The following ITGA1 variants were observed in gnomAD, a reference collection of about 807,000 sequenced individuals.
ITGA1 encodes integrin subunit alpha 1, also known as integrin alpha-1.
ITGA1 carries 85 observed loss-of-function variants against 145.9 expected under a neutral mutation model. That is an observed-to-expected ratio of 0.58 (90% CI 0.49 to 0.70). The LOEUF is 0.70. Among genes scored for constraint, ITGA1 ranks in the 30% least tolerant of loss-of-function variants. The probability of loss-of-function intolerance (pLI) is 0.00; values close to 1 mark genes in which losing one functional copy is unlikely to be tolerated. For synonymous variants in ITGA1, 520 were observed against 495.3 expected (o/e 1.05, Z -0.66); for missense variants, 1,351 against 1,418.7 (o/e 0.95, Z 0.77).
intron 9 of ITGA1, among the ~76,000 whole-genome samples, chr5:52,894,394 G>A (rs1295296411): frequency 6.6e-6 from 1 of 152,102 alleles, no homozygotes; most frequent in Non-Finnish European, 1.5e-5. Flanking sequence ...CTTCTTTGCA[G>A]ATTTTTCCTT....
intron 11 of ITGA1, chr5:52,905,008 C>A (rs1750375715): frequency 6.6e-6 from 1 of 152,106 alleles, no homozygotes; most frequent in Admixed American, 6.5e-5. Context: ...AGTGATGATA[C>A]ACAAAGCCTG....
chr5:52,802,425 T>C (rs1019823305), intron 1 of ITGA1: 5 of 152,218 alleles, frequency 3.3e-5, no homozygotes, highest in Admixed American at 1.3e-4. Flanking sequence ...AAACCAATCA[T>C]GTTAAAAGGA....
At chr5:52,910,450 T>C (rs570162396) in intron 14 of ITGA1, 31 bp downstream of exon 14, 238 of 1,598,304 alleles carry the variant, frequency 1.5e-4, no homozygotes, top group Non-Finnish European at 1.0e-5. Context: ...ATTCCCACCC[T>C]TCAGTGATAA....
intron 1 of ITGA1, among the ~76,000 whole-genome samples, chr5:52,816,056 A>G (rs1210033425): frequency 6.6e-6 from 1 of 152,194 alleles, no homozygotes; most frequent in African/African-American, 2.4e-5. Flanking sequence ...AACACTGATT[A>G]TTGAGGTGAC....
At chr5:52,848,864 G>A (rs537444878) in intron 1 of ITGA1, among the ~76,000 whole-genome samples, 4 of 152,062 alleles carry the variant, frequency 2.6e-5, no homozygotes, top group Non-Finnish European at 5.9e-5. Flanking sequence ...TGCTGAGAAC[G>A]ATGGTTTCCA....
intron 8 of ITGA1, among the ~76,000 whole-genome samples, chr5:52,888,368 G>C (rs1416743743): frequency 1.3e-5 from 2 of 152,148 alleles, no homozygotes; most frequent in African/African-American, 4.8e-5. Flanking sequence ...ATAAGAGAGA[G>C]GATTTGTTCA....
intron 1 of ITGA1, among the ~76,000 whole-genome samples, chr5:52,793,341 A>T (rs983799785): frequency 1.6e-4 from 25 of 152,050 alleles, no homozygotes; most frequent in Admixed American, 1.4e-3. Flanking sequence ...TCCCTTTATT[A>T]TATACCTCTG....
rs755146157 is a variant in ITGA1 at position 52,937,499 on chromosome 5, A to G, written c.3063A>G (p.Gly1021=). ...GTTACCCTGTGCTGTACCCAACTGG[A>G]TTGTCATCTTCTGAGGTAAGTCATG... ...SNGYPVLYPT[G]LSSSENANCR... Residue 1021 remains glycine (G), a synonymous_variant, in exon 24 of 29, where the codon GGA becomes GGG. Transcript: ENST00000282588. 13 of 1,602,416 alleles carry G rather than the reference A, an allele frequency of 8.1e-6. No individual in the cohort carries two copies. Among genetic ancestry groups the G allele is most frequent in the Non-Finnish European group, 1.1e-5 (13 of 1,169,516 alleles).
chr5:52,800,875 G>A, intron 1 of ITGA1: 1 of 1,612,306 alleles, frequency 6.2e-7, no homozygotes, highest in Non-Finnish European at 8.5e-7. Flanking sequence ...CCTCACTCGG[G>A]CCAAGGTGGA....
chr5:52,788,250 A>T lies in ITGA1; in HGVS notation c.-104A>T. The T allele has an allele frequency of 1.1e-6, 1 of 882,094 alleles. No homozygotes were observed. The highest frequency in any genetic ancestry group is 4.0e-5 in the Admixed American group (1 of 24,902). 54.6% of individuals were successfully genotyped at this position (882,094 alleles called of 1,614,324 possible). A position where few individuals can be genotyped will look rare whatever the true frequency, so the allele number is the denominator to read the frequency against. ...GCTGCCACTGGGGCAGAGGACTGGGAACCGCGGCAGCGGGATAAGTGGCCC... is the reference window on the plus strand; with the variant it reads ...GCTGCCACTGGGGCAGAGGACTGGGTACCGCGGCAGCGGGATAAGTGGCCC... On this transcript the variant is annotated 5_prime_UTR_variant, in exon 1 of 29. Coordinates refer to ENST00000282588, the MANE Select transcript of ITGA1 (RefSeq NM_181501.2).
chr5:52,891,968 C>A (rs1750158719), intron 8 of ITGA1, among the ~76,000 whole-genome samples: 1 of 151,802 alleles, frequency 6.6e-6, no homozygotes, highest in African/African-American at 2.4e-5. Context: ...AAGTACAAAC[C>A]TCAACAAAGC....
chr5:52,856,781 C>T (rs74595716), intron 2 of ITGA1, among the ~76,000 whole-genome samples: 2,083 of 152,122 alleles, frequency 0.014, 45 homozygotes, highest in African/African-American at 0.044. Flanking sequence ...ATAAGTCATT[C>T]CAATACTTAG....
At chr5:52,882,131 T>C in intron 7 of ITGA1, 110 bp downstream of exon 7, 1 of 938,350 alleles carries the variant, frequency 1.1e-6, no homozygotes, top group Non-Finnish European at 1.5e-6. Context: ...TTTAAAGCCA[T>C]TTTGTTTAAA....
chr5:52,859,720 C>A lies in ITGA1; in HGVS notation c.183-1727C>A, dbSNP rs189119780. ...GACATTCTTTCTCCATGCCGAACAT[C>A]CCCAACTTTCCCAGCATCTTTTGTC... On this transcript the variant is annotated intron_variant, in intron 2 of 28. Transcript: ENST00000282588. Among the ~76,000 whole-genome samples the A allele has an allele frequency of 1.8e-4, 28 of 152,262 alleles. No homozygotes were observed. In the East Asian group the frequency reaches 5.2e-3, roughly 28 times the overall value.
chr5:52,799,424 A>G (rs1748408138), intron 1 of ITGA1, among the ~76,000 whole-genome samples: 2 of 152,174 alleles, frequency 1.3e-5, no homozygotes, highest in Admixed American at 6.5e-5. Context: ...TTCACAGGCT[A>G]CTGGGCTGCG....
At chr5:52,813,357 G>A (rs1017669849) in intron 1 of ITGA1, among the ~76,000 whole-genome samples, 14 of 152,238 alleles carry the variant, frequency 9.2e-5, no homozygotes, top group African/African-American at 3.4e-4. Flanking sequence ...ATTATGATTT[G>A]AATCTCCTTA....
chr5:52,849,606 A>T (rs1420955593), intron 2 of ITGA1, 121 bp downstream of exon 2: 1 of 954,486 alleles, frequency 1.0e-6, no homozygotes, highest in East Asian at 2.7e-5. Flanking sequence ...ATGGTAGAAA[A>T]TGCAGTCTAG....
chr5:52,939,994 T>G (rs1204378715), intron 26 of ITGA1, 50 bp downstream of exon 26: 1 of 1,026,952 alleles, frequency 9.7e-7, no homozygotes, highest in South Asian at 1.3e-5. Flanking sequence ...TCAATAAATA[T>G]TCATTTACCA....
intron 6 of ITGA1, among the ~76,000 whole-genome samples, chr5:52,874,152 A>G (rs1222766861): frequency 6.6e-6 from 1 of 152,020 alleles, no homozygotes; most frequent in Admixed American, 6.5e-5. Flanking sequence ...GCTTCTGGTG[A>G]GGGCCTTGCG....
Sources: gnomAD v4.1 joint callset for allele counts (sites outside exome capture counted in the v4.1 genomes callset) on GRCh38, gnomAD v4.1.1 for gene constraint, MANE v1.5 for transcripts, NCBI Gene and HGNC (gene_info 2026-07-23, HGNC 2026-07-21) for gene names.